The following CACNA2D3 variants were observed in gnomAD, a reference collection of about 807,000 sequenced individuals.
The protein encoded by CACNA2D3 is calcium voltage-gated channel auxiliary subunit alpha2delta 3, also known as voltage-dependent calcium channel subunit alpha-2/delta-3.
A neutral mutation model predicts 160.6 loss-of-function variants in CACNA2D3; 60 were observed. That is an observed-to-expected ratio of 0.37 (90% CI 0.30 to 0.46). CACNA2D3 has a LOEUF of 0.46. Ranked by LOEUF, CACNA2D3 falls within the 20% of genes least tolerant of loss-of-function variation. The probability of loss-of-function intolerance (pLI) is 1.00; values close to 1 mark genes in which losing one functional copy is unlikely to be tolerated. For synonymous variants in CACNA2D3, 558 were observed against 492.9 expected (o/e 1.13, Z -1.75); for missense variants, 1,205 against 1,365.0 (o/e 0.88, Z 1.85).
Position 54,787,132 on chromosome 3 carries a change from A to G in CACNA2D3, c.1380+22781A>G, listed in dbSNP as rs1702656814. ...AACACACATATTTGAGGGAATATTC[A>G]GTACTCATAACGCGTTTAAAGACAA... On this transcript the variant is annotated intron_variant, in intron 13 of 37. Transcript: ENST00000474759. Among the ~76,000 whole-genome samples, 3 of 152,198 alleles carry G rather than the reference A, an allele frequency of 2.0e-5. No individual in the cohort carries two copies. In the South Asian group the frequency reaches 6.2e-4, roughly 32 times the overall value.
chr3:54,211,747 G>A (rs9846400), intron 2 of CACNA2D3, among the ~76,000 whole-genome samples: 102,925 of 152,100 alleles, frequency 0.68, 35,849 homozygotes, highest in East Asian at 1. Flanking sequence ...ACCAGTGTAC[G>A]TAAACATCTA....
intron 4 of CACNA2D3, among the ~76,000 whole-genome samples, chr3:54,445,555 T>TACACACACACACACACAC (rs3028897): frequency 1.5e-3 from 219 of 147,214 alleles, no homozygotes; most frequent in Middle Eastern, 3.4e-3. Flanking sequence ...TTTCTATGTA[T>TACACACACACACACACAC]ACACACACAC....
At chr3:55,049,944 T>C (rs1704152049) in intron 35 of CACNA2D3, among the ~76,000 whole-genome samples, 1 of 150,680 alleles carries the variant, frequency 6.6e-6, no homozygotes, top group Non-Finnish European at 1.5e-5. Flanking sequence ...TTTTTTGTTT[T>C]CCATTGGCTT....
intron 11 of CACNA2D3, among the ~76,000 whole-genome samples, chr3:54,712,093 T>C (rs1220326186): frequency 6.6e-6 from 1 of 152,210 alleles, no homozygotes; most frequent in Non-Finnish European, 1.5e-5. Context: ...ACTTGTTAGG[T>C]GACCTCAGGC....
In CACNA2D3 at chr3:54,515,197, TGTGAGA is replaced by T. The variant is rs1559502021; in HGVS notation, c.544+11545_544+11550del. Among the ~76,000 whole-genome samples, 8 of 137,778 alleles carry T rather than the reference TGTGAGA, an allele frequency of 5.8e-5. No individual in the cohort carries two copies. The South Asian group carries it at 1.4e-3, about 23-fold the overall frequency. The allele number at this position is 137,778 out of a possible 152,430, so 90.4% of individuals were successfully genotyped here. The stretch of plus-strand genomic sequence containing the variant: ...GTCTGTGTGTGTGTGTGTGTGTGTG[TGTGAGA>T]GAGAGAGAGAGAGAGAGAAAGAGAG... On this transcript the variant is annotated intron_variant, in intron 5 of 37. Coordinates refer to ENST00000474759, the MANE Select transcript of CACNA2D3 (RefSeq NM_018398.3).
rs533768155 is a variant in CACNA2D3 at position 54,872,869 on chromosome 3, C to T, written c.1710+1247C>T. Among the ~76,000 whole-genome samples, 20 of 152,224 alleles carry T rather than the reference C, an allele frequency of 1.3e-4. 1 individual carries two copies. The South Asian group carries it at 3.3e-3, about 25-fold the overall frequency. On this transcript the variant is annotated intron_variant, in intron 18 of 37. Coordinates refer to ENST00000474759, the MANE Select transcript of CACNA2D3 (RefSeq NM_018398.3). ...CATAGTGTCAGCTCAATAGCATGGT[C>T]GAGTTTTCTATCTTCTTATTCCTTA...
intron 13 of CACNA2D3, among the ~76,000 whole-genome samples, chr3:54,809,733 T>C (rs1014991971): frequency 1.3e-5 from 2 of 151,594 alleles, no homozygotes; most frequent in African/African-American, 2.4e-5. Flanking sequence ...CCTTCCTTTT[T>C]TCTTTTTCTC....
chr3:54,699,953 A>G (rs920631614), intron 11 of CACNA2D3, among the ~76,000 whole-genome samples: 1 of 152,214 alleles, frequency 6.6e-6, no homozygotes, highest in Non-Finnish European at 1.5e-5. Flanking sequence ...ATGAGGTTAA[A>G]TCGTGTGTTT....
chr3:54,687,135 G>GTTTTTTTTTTTTTTTT (rs1290353261), intron 11 of CACNA2D3, among the ~76,000 whole-genome samples: 2 of 88,904 alleles, frequency 2.2e-5, no homozygotes, highest in Non-Finnish European at 4.3e-5. Flanking sequence ...TTTTTTTTTT[G>GTTTTTTTTTTTTTTTT]TTTTTTTTTT....
intron 11 of CACNA2D3, among the ~76,000 whole-genome samples, chr3:54,709,486 G>A (rs748433223): frequency 1.3e-5 from 2 of 151,916 alleles, no homozygotes; most frequent in East Asian, 1.9e-4. Context: ...TCAGCCTCCC[G>A]AGTAGTTGGG....
intron 2 of CACNA2D3, among the ~76,000 whole-genome samples, chr3:54,195,525 C>T (rs1701062434): frequency 1.3e-5 from 2 of 152,194 alleles, no homozygotes; most frequent in South Asian, 4.1e-4. Flanking sequence ...GCATTACCTT[C>T]TCATAGCCAT....
intron 2 of CACNA2D3, among the ~76,000 whole-genome samples, chr3:54,209,512 G>A (rs935471776): frequency 3.3e-5 from 5 of 152,182 alleles, no homozygotes; most frequent in Admixed American, 6.5e-5. Context: ...AGGAGTTCAC[G>A]CATTAAATTA....
chr3:54,517,091 T>C (rs955639464), intron 5 of CACNA2D3, among the ~76,000 whole-genome samples: 4 of 152,198 alleles, frequency 2.6e-5, no homozygotes, highest in Admixed American at 1.3e-4. Flanking sequence ...TGGGTGGTGG[T>C]GATTTGCTTT....
intron 2 of CACNA2D3, among the ~76,000 whole-genome samples, chr3:54,254,562 G>A (rs1702258706): frequency 6.6e-6 from 1 of 152,158 alleles, no homozygotes; most frequent in African/African-American, 2.4e-5. Flanking sequence ...ACCTTTCTGA[G>A]CTTCAGTTTC....
At position 54,122,650 on chromosome 3, in the gene CACNA2D3, T is replaced by C. The variant is rs1291686149; in HGVS notation, c.-64T>C. On this transcript the variant is annotated 5_prime_UTR_variant, in exon 1 of 38. Coordinates refer to ENST00000474759, the MANE Select transcript of CACNA2D3 (RefSeq NM_018398.3). ...CCCCGCGCGCTCGCCCACCGCCCGC[T>C]CCGCGCAGCTCCCCGCGGCCGCTCT... is the stretch of plus-strand genomic sequence containing the variant. 3.1e-6 allele frequency: 3 copies of C among 982,062 alleles called. No individual in the cohort carries two copies. The allele number at this position is 982,062 out of a possible 1,614,324, so 60.8% of individuals were successfully genotyped here.
intron 13 of CACNA2D3, among the ~76,000 whole-genome samples, chr3:54,800,419 A>G (rs1702958923): frequency 6.6e-6 from 1 of 152,258 alleles, no homozygotes. Context: ...CAAAACTCCA[A>G]TTCAGATCAC....
chr3:54,503,650 C>T lies in CACNA2D3; in HGVS notation c.540C>T (p.Asn180=), dbSNP rs1200816969. Residue 180 remains asparagine, a synonymous_variant, in exon 5 of 38, where the codon AAC becomes AAT. Coordinates refer to ENST00000474759, the MANE Select transcript of CACNA2D3 (RefSeq NM_018398.3). ...TCCAAGTACCAACGAACATGTACAA[C>T]AAAGGTAAGACTCCCAGCCACTGCT... is the stretch of plus-strand genomic sequence containing the variant. ...SDVQVPTNMY[N]KDPAIVNGVY... is the part of the protein sequence containing the mutation. 1.2e-6 allele frequency: 2 copies of T among 1,613,468 alleles called. No homozygotes were observed. Among genetic ancestry groups the T allele is most frequent in the Admixed American group, 3.3e-5 (2 of 59,976 alleles).
At chr3:54,306,094 T>G (rs1703593359) in intron 2 of CACNA2D3, among the ~76,000 whole-genome samples, 1 of 152,212 alleles carries the variant, frequency 6.6e-6, no homozygotes, top group Non-Finnish European at 1.5e-5. Flanking sequence ...GTGTCTTCTT[T>G]TTTTGCATTG....
At chr3:54,891,525 T>C (rs142442883) in intron 25 of CACNA2D3, 75 bp downstream of exon 25, 41 of 1,154,438 alleles carry the variant, frequency 3.6e-5, no homozygotes, top group Non-Finnish European at 4.9e-5. Flanking sequence ...CTTATTTCAT[T>C]TCTTGATTCC....
Sources: allele counts gnomAD v4.1 joint callset (sites outside exome capture counted in the v4.1 genomes callset), GRCh38; gene constraint gnomAD v4.1.1; transcripts MANE v1.5; gene names NCBI Gene and HGNC (gene_info 2026-07-23, HGNC 2026-07-21).